Variants in CHN2 observed in about 807,000 individuals in gnomAD.
CHN2 encodes the protein beta-chimaerin.
CHN2 carries 35 observed loss-of-function variants against 56.3 expected under a neutral mutation model. The observed-to-expected ratio is 0.62, with a 90% CI of 0.47 to 0.82. The LOEUF is 0.82. Among genes scored for constraint, CHN2 ranks in the 40% least tolerant of loss-of-function variants. CHN2 has a pLI of 0.00. For synonymous variants in CHN2, 210 were observed against 212.8 expected, an observed-to-expected ratio of 0.99 and a Z score of 0.12; for missense variants, 491 against 580.5, an observed-to-expected ratio of 0.85 and a Z score of 1.58.
intron 3 of CHN2, among the ~76,000 whole-genome samples, chr7:29,393,302 A>G (rs1296851895): frequency 6.6e-6 from 1 of 152,268 alleles, no homozygotes; most frequent in Non-Finnish European, 1.5e-5. Context: ...AATAAAAACA[A>G]TTAGGCACAG....
intron 1 of CHN2, among the ~76,000 whole-genome samples, chr7:29,237,985 G>C (rs1429907127): frequency 6.8e-6 from 1 of 146,448 alleles, no homozygotes; most frequent in Non-Finnish European, 1.5e-5. Context: ...CTGAATCTGT[G>C]TCACACACTC....
chr7:29,335,516 C>A (rs958332180), intron 1 of CHN2, among the ~76,000 whole-genome samples: 2 of 152,182 alleles, frequency 1.3e-5, no homozygotes, highest in Admixed American at 1.3e-4. Context: ...TTTAGGGAAC[C>A]CAAATCTAGT....
intron 6 of CHN2, among the ~76,000 whole-genome samples, chr7:29,479,322 ATTGTC>A (rs1253367885): frequency 6.6e-6 from 1 of 152,148 alleles, no homozygotes; most frequent in Non-Finnish European, 1.5e-5. Context: ...GGTAAGGAAT[ATTGTC>A]TTGTCTGTGT....
intron 1 of CHN2, among the ~76,000 whole-genome samples, chr7:29,315,380 A>T (rs1490875052): frequency 1.3e-5 from 2 of 152,244 alleles, no homozygotes; most frequent in Non-Finnish European, 2.9e-5. Context: ...CTGAATCATG[A>T]GTCCTAACTT....
intron 2 of CHN2, among the ~76,000 whole-genome samples, chr7:29,367,504 T>A (rs530833319): frequency 6.6e-6 from 1 of 152,332 alleles, no homozygotes; most frequent in Admixed American, 6.5e-5. Flanking sequence ...CACACTCCTC[T>A]TAAAATGCCA....
chr7:29,165,895 T>A (rs760970609), intron 2 of CHN2, among the ~76,000 whole-genome samples: 20 of 152,238 alleles, frequency 1.3e-4, no homozygotes, highest in Non-Finnish European at 8.8e-5. Context: ...AAACCTTTTA[T>A]TTGGTAAAAT....
At chr7:29,192,170 C>T (rs770032919), upstream of CHN2, 6 of 152,338 alleles carry the variant, frequency 3.9e-5, no homozygotes, top group Non-Finnish European at 5.9e-5. Context: ...GTTCAGCAAG[C>T]GTGTTTGTTG....
chr7:29,211,666 G>A (rs1412120486), intron 1 of CHN2, among the ~76,000 whole-genome samples: 1 of 152,110 alleles, frequency 6.6e-6, no homozygotes, highest in Admixed American at 6.5e-5. Flanking sequence ...TTAGAAATTG[G>A]TCCAGAACTC....
chr7:29,256,709 C>T (rs1388803963), intron 1 of CHN2, among the ~76,000 whole-genome samples: 7 of 152,072 alleles, frequency 4.6e-5, no homozygotes, highest in Admixed American at 1.3e-4. Flanking sequence ...CAGGTGATCT[C>T]GATGATCTTC....
intron 6 of CHN2, among the ~76,000 whole-genome samples, chr7:29,466,246 G>A (rs900167829): frequency 1.3e-5 from 2 of 151,646 alleles, no homozygotes; most frequent in Non-Finnish European, 2.9e-5. Flanking sequence ...AAGGAAGGAA[G>A]GAAAGAAAGA....
At chr7:29,167,835 T>G (rs1316307566) in intron 2 of CHN2, among the ~76,000 whole-genome samples, 3 of 152,256 alleles carry the variant, frequency 2.0e-5, no homozygotes, top group African/African-American at 7.2e-5. Flanking sequence ...GTTTGACTTG[T>G]AATGAATTGT....
At chr7:29,468,800 G>A (rs781774052) in intron 6 of CHN2, among the ~76,000 whole-genome samples, 3 of 152,132 alleles carry the variant, frequency 2.0e-5, no homozygotes, top group Non-Finnish European at 4.4e-5. Flanking sequence ...TCCTGTGAGC[G>A]TTAGCTTTCC....
At chr7:29,312,114 C>T (rs961546912) in intron 1 of CHN2, among the ~76,000 whole-genome samples, 5 of 152,158 alleles carry the variant, frequency 3.3e-5, no homozygotes, top group African/African-American at 1.2e-4. Flanking sequence ...CACATATAAG[C>T]GAGCTGTCAG....
At chr7:29,315,117 G>A (rs933530621) in intron 1 of CHN2, among the ~76,000 whole-genome samples, 3 of 152,044 alleles carry the variant, frequency 2.0e-5, no homozygotes, top group Non-Finnish European at 1.5e-5. Flanking sequence ...GGGAAACAAA[G>A]CGATGTATTT....
Position 29,151,418 on chromosome 7 carries a change from C to T in CHN2, c.274+4458C>T, listed in dbSNP as rs76536060. 7.9e-5 allele frequency among the ~76,000 whole-genome samples: 12 copies of T among 152,210 alleles called. No homozygotes were observed. In the East Asian group the frequency reaches 1.5e-3, roughly 20 times the overall value. On this transcript the variant is annotated intron_variant, in intron 2 of 6. Transcript: ENST00000439384. ...AAAAGGCATATTTTCAGTTTCCCTT[C>T]GGCTATGGAAAAAGCCAGGCAAATA...
intron 1 of CHN2, among the ~76,000 whole-genome samples, chr7:29,298,848 T>G (rs1316318418): frequency 2.0e-5 from 3 of 149,728 alleles, no homozygotes; most frequent in Admixed American, 2.0e-4. Flanking sequence ...ACATAATTTC[T>G]CTCTTTCTCC....
chr7:29,407,924 A>G (rs948856025), intron 6 of CHN2, among the ~76,000 whole-genome samples: 1 of 152,204 alleles, frequency 6.6e-6, no homozygotes, highest in Non-Finnish European at 1.5e-5. Context: ...TTGGTGGCTC[A>G]TGCCTGTAAT....
intron 4 of CHN2, among the ~76,000 whole-genome samples, chr7:29,395,626 T>C (rs572228647): frequency 3.3e-4 from 51 of 152,348 alleles, no homozygotes; most frequent in Admixed American, 1.9e-3. Context: ...TAACCTTTTC[T>C]CTTCATCTCT....
rs70980522 is a variant in CHN2, at chr7:29,293,857, A to ATTTT, written c.50-60744_50-60741dup. Reference sequence around the variant, plus strand: ...GCATATAAGCTCCACGAGGCTGGGAATTTTTTTTTTTTTTTTTTTTTTTTT... The same window carrying ATTTT: ...GCATATAAGCTCCACGAGGCTGGGAATTTTTTTTTTTTTTTTTTTTTTTTTTTTT... On this transcript the variant is annotated intron_variant, in intron 1 of 12. Coordinates refer to ENST00000222792, the MANE Select transcript of CHN2 (RefSeq NM_004067.4). Among the ~76,000 whole-genome samples the ATTTT allele has an allele frequency of 1.6e-3, 127 of 78,518 alleles. 20 individuals carry two copies. Among genetic ancestry groups the ATTTT allele is most frequent in the African/African-American group, 5.6e-3 (112 of 19,900 alleles). The allele number at this position is 78,518 out of a possible 152,430, so 51.5% of individuals were successfully genotyped here. A position where few individuals can be genotyped will look rare whatever the true frequency, so the allele number is the denominator to read the frequency against.
Sources: gnomAD v4.1 joint callset for allele counts (sites outside exome capture counted in the v4.1 genomes callset) on GRCh38, gnomAD v4.1.1 for gene constraint, MANE v1.5 for transcripts, NCBI Gene and HGNC (gene_info 2026-07-23, HGNC 2026-07-21) for gene names.